The following RANBP2 variants were observed in gnomAD, a reference collection of about 807,000 sequenced individuals.
RANBP2 encodes the protein E3 SUMO-protein ligase RanBP2.
Under a neutral mutation model 303.6 loss-of-function variants are expected in RANBP2, and 57 were observed. The ratio of observed to expected loss-of-function variants is 0.19; its 90% CI spans 0.15 to 0.23. The LOEUF (loss-of-function observed/expected upper bound fraction) is 0.23. RANBP2 is among the 10% of genes least tolerant of loss of function. The pLI is 1.00. For synonymous variants in RANBP2, 1,167 were observed against 1,301.5 expected (o/e 0.90, Z 2.23); for missense variants, 3,138 against 3,780.8 (o/e 0.83, Z 4.46).
the RANBP2 span, among the ~76,000 whole-genome samples, chr2:109,488,302 G>A: frequency 1.3e-5 from 2 of 152,172 alleles, no homozygotes; most frequent in Admixed American, 6.5e-5. Flanking sequence ...GATGCCAGCA[G>A]CACCCCTGAG....
chr2:109,202,246 A>G, the RANBP2 span, among the ~76,000 whole-genome samples: 1 of 151,838 alleles, frequency 6.6e-6, no homozygotes, highest in African/African-American at 2.4e-5. Context: ...TGCGGCCCCC[A>G]CCTTGCCTCC....
the RANBP2 span, among the ~76,000 whole-genome samples, chr2:109,537,248 T>C: frequency 6.6e-6 from 1 of 152,220 alleles, no homozygotes; most frequent in Non-Finnish European, 1.5e-5. Flanking sequence ...AGATTTTTCT[T>C]GTCAATTTTC....
the RANBP2 span, chr2:108,930,327 AGGGG>A: frequency 6.3e-7 from 1 of 1,578,856 alleles, no homozygotes; most frequent in Non-Finnish European, 8.7e-7. Flanking sequence ...TGACATAGGA[AGGGG>A]GTGCCCTGCG....
At chr2:109,299,225 CCTG>C in the RANBP2 span, among the ~76,000 whole-genome samples, 1 of 152,254 alleles carries the variant, frequency 6.6e-6, no homozygotes, top group African/African-American at 2.4e-5. Flanking sequence ...CCAAGGACTG[CCTG>C]CTGCTTTCTC....
At chr2:109,471,170 GCCATTGCACT>G in the RANBP2 span, among the ~76,000 whole-genome samples, 1 of 134,584 alleles carries the variant, frequency 7.4e-6, no homozygotes, top group African/African-American at 3.0e-5. Flanking sequence ...CCGAGATCGT[GCCATTGCACT>G]CCAGCCTGGG....
the RANBP2 span, among the ~76,000 whole-genome samples, chr2:109,748,820 C>T: frequency 6.8e-6 from 1 of 147,986 alleles, no homozygotes; most frequent in Non-Finnish European, 1.5e-5. Flanking sequence ...TTGCAGTGAG[C>T]CAAGATTGTG....
At chr2:109,401,380 C>T in the RANBP2 span, among the ~76,000 whole-genome samples, 1 of 152,208 alleles carries the variant, frequency 6.6e-6, no homozygotes, top group Non-Finnish European at 1.5e-5. Context: ...TTGGGTAGGT[C>T]GTTTGTCTCC....
the RANBP2 span, among the ~76,000 whole-genome samples, chr2:109,085,667 C>T: frequency 6.9e-6 from 1 of 145,620 alleles, no homozygotes; most frequent in Non-Finnish European, 1.5e-5. Flanking sequence ...ATGGCACAAT[C>T]TTGGCTCACT....
the RANBP2 span, among the ~76,000 whole-genome samples, chr2:109,081,006 T>C: frequency 6.6e-6 from 1 of 152,208 alleles, no homozygotes; most frequent in African/African-American, 2.4e-5. Context: ...CCATCCACTA[T>C]GCTAGCTACC....
At chr2:109,041,647 G>A in the RANBP2 span, among the ~76,000 whole-genome samples, 1 of 147,436 alleles carries the variant, frequency 6.8e-6, no homozygotes, top group South Asian at 2.2e-4. Context: ...TCAGCCTCCC[G>A]AGGAGCTCGG....
At chr2:109,636,547 C>T in the RANBP2 span, among the ~76,000 whole-genome samples, 1 of 151,948 alleles carries the variant, frequency 6.6e-6, no homozygotes, top group African/African-American at 2.4e-5. Flanking sequence ...TAAAGGAGAC[C>T]CAAGAAATAT....
the RANBP2 span, among the ~76,000 whole-genome samples, chr2:108,893,132 C>A: frequency 1.3e-5 from 2 of 152,210 alleles, no homozygotes; most frequent in Non-Finnish European, 2.9e-5. Context: ...AACCTACATT[C>A]ATGGCTCAAA....
chr2:109,085,538 C>G, the RANBP2 span, among the ~76,000 whole-genome samples: 1 of 151,142 alleles, frequency 6.6e-6, no homozygotes, highest in South Asian at 2.1e-4. Flanking sequence ...CTCCTGACCT[C>G]GTGATCCGCC....
the RANBP2 span, among the ~76,000 whole-genome samples, chr2:109,348,239 A>G: frequency 8.5e-5 from 13 of 152,348 alleles, no homozygotes; most frequent in African/African-American, 3.1e-4. Context: ...CAGGAGCAGA[A>G]CCCTCAGTTA....
the RANBP2 span, among the ~76,000 whole-genome samples, chr2:109,457,480 T>G: frequency 6.6e-6 from 1 of 152,254 alleles, no homozygotes; most frequent in Non-Finnish European, 1.5e-5. Flanking sequence ...GTGAGGGTTC[T>G]GCCACCCTCC....
the RANBP2 span, among the ~76,000 whole-genome samples, chr2:109,634,518 G>C: frequency 6.6e-6 from 1 of 152,200 alleles, no homozygotes; most frequent in Admixed American, 6.5e-5. Flanking sequence ...GGACTTTCTA[G>C]ATGGAGGGCA....
chr2:108,958,194 T>C, the RANBP2 span, among the ~76,000 whole-genome samples: 1 of 152,108 alleles, frequency 6.6e-6, no homozygotes, highest in South Asian at 2.1e-4. Context: ...AAGAAGTGTC[T>C]CTGAAGTCTG....
the RANBP2 span, among the ~76,000 whole-genome samples, chr2:108,809,449 TGTG>T: frequency 2.1e-3 from 47 of 22,330 alleles, no homozygotes; most frequent in Non-Finnish European, 4.7e-3. Flanking sequence ...CATGAAATGT[TGTG>T]TGTGTGTGTG....
the RANBP2 span, among the ~76,000 whole-genome samples, chr2:108,835,513 A>G: frequency 6.6e-6 from 1 of 152,206 alleles, no homozygotes; most frequent in Non-Finnish European, 1.5e-5. Flanking sequence ...TGATATATTC[A>G]AATATTTTTC....
Sources: allele counts gnomAD v4.1 joint callset (sites outside exome capture counted in the v4.1 genomes callset), GRCh38; gene constraint gnomAD v4.1.1; transcripts MANE v1.5; gene names NCBI Gene and HGNC (gene_info 2026-07-23, HGNC 2026-07-21).